Variants in JMJD1C observed in about 807,000 individuals in gnomAD.
JMJD1C encodes jumonji domain-containing protein 1C.
JMJD1C carries 31 observed loss-of-function variants against 245.3 expected under a neutral mutation model. That is an observed-to-expected ratio of 0.13 (90% CI 0.09 to 0.17). JMJD1C has a LOEUF of 0.17. Ranked by LOEUF, JMJD1C falls within the 10% of genes least tolerant of loss-of-function variation. The pLI is 1.00. For missense variants in JMJD1C, 2,691 were observed against 3,000.2 expected, an observed-to-expected ratio of 0.90 and a Z score of 2.41; for synonymous variants, 1,057 against 1,017.4, an observed-to-expected ratio of 1.04 and a Z score of -0.74.
At chr10:63,475,126 T>C (rs1198353244) in intron 1 of JMJD1C, among the ~76,000 whole-genome samples, 1 of 152,188 alleles carries the variant, frequency 6.6e-6, no homozygotes, top group Admixed American at 6.5e-5. Context: ...TCCTTTCCTT[T>C]ACAGTTATAA....
chr10:63,388,921 G>A (rs898537004), intron 1 of JMJD1C, among the ~76,000 whole-genome samples: 2 of 152,026 alleles, frequency 1.3e-5, no homozygotes. Flanking sequence ...AAGGAGACAA[G>A]GTAATTATAT....
chr10:63,207,144 T>C lies in JMJD1C; in HGVS notation c.4525A>G (p.Asn1509Asp). 1 of 1,614,186 alleles carries C rather than the reference T, an allele frequency of 6.2e-7. No individual in the cohort carries two copies. The highest frequency in any genetic ancestry group is 8.5e-7 in the Non-Finnish European group (1 of 1,180,028). Residue 1509 changes from asparagine to aspartate, a missense_variant, in exon 10 of 26, where the codon AAT becomes GAT. By Grantham distance (23) the Asn-to-Asp change is conservative. This residue lies in a region of JMJD1C where 1,562 missense variants were observed against 1,490.7 expected (regional missense o/e 1.05). Transcript: ENST00000399262. ...ASETEPNAIK[N>D]QTLSASLPLD... ...GGAAGGGAGGCTGAAAGTGTCTGAT[T>C]TTTTATAGCATTAGGTTCAGTCTCA...
intron 24 of JMJD1C, among the ~76,000 whole-genome samples, chr10:63,175,976 C>T (rs999949999): frequency 6.6e-6 from 1 of 152,106 alleles, no homozygotes; most frequent in African/African-American, 2.4e-5. Flanking sequence ...AGTCTGTATA[C>T]TGTGTCCCCC....
At chr10:63,305,685 G>GTGTTT (rs1449361495) in intron 2 of JMJD1C, among the ~76,000 whole-genome samples, 1 of 78,226 alleles carries the variant, frequency 1.3e-5, no homozygotes, top group Admixed American at 1.4e-4. Context: ...TGTGTGTGTT[G>GTGTTT]AAAGATCTTT....
chr10:63,456,178 T>C (rs554908417), intron 1 of JMJD1C, among the ~76,000 whole-genome samples: 54 of 152,212 alleles, frequency 3.5e-4, no homozygotes, highest in African/African-American at 1.3e-3. Context: ...ACTTTGGTAT[T>C]AAAATATGAT....
intron 3 of JMJD1C, among the ~76,000 whole-genome samples, chr10:63,261,066 TA>T (rs1854669992): frequency 6.6e-6 from 1 of 151,964 alleles, no homozygotes; most frequent in Non-Finnish European, 1.5e-5. Flanking sequence ...TCAGGAAACC[TA>T]AAAGGAGGAA....
intron 2 of JMJD1C, among the ~76,000 whole-genome samples, chr10:63,344,634 C>T (rs1173172312): frequency 6.6e-6 from 1 of 151,944 alleles, no homozygotes; most frequent in East Asian, 1.9e-4. Flanking sequence ...TGGTAGAAGG[C>T]CATGTATCTG....
chr10:63,513,633 C>A (rs1954933717), intron 1 of JMJD1C, among the ~76,000 whole-genome samples: 2 of 152,284 alleles, frequency 1.3e-5, no homozygotes, highest in Admixed American at 6.5e-5. Flanking sequence ...CCCATTTAGG[C>A]CGGGCACGGT....
chr10:63,239,013 G>A (rs1270118282), intron 3 of JMJD1C, among the ~76,000 whole-genome samples: 5 of 152,100 alleles, frequency 3.3e-5, no homozygotes, highest in African/African-American at 7.2e-5. Context: ...ATGGGTTGGC[G>A]GGTGACCTAG....
chr10:63,205,769 TA>T (rs1353274071), intron 10 of JMJD1C, among the ~76,000 whole-genome samples: 1 of 152,190 alleles, frequency 6.6e-6, no homozygotes, highest in Non-Finnish European at 1.5e-5. Context: ...AGAGGTATAG[TA>T]AAAACACAGT....
chr10:63,176,673 C>A lies in JMJD1C; in HGVS notation c.7225-200G>T, dbSNP rs1214161711. The A allele has an allele frequency of 1.1e-5, 6 of 538,188 alleles. No homozygotes were observed. In the East Asian group the frequency reaches 1.8e-4, roughly 16 times the overall value. 33.3% of individuals were successfully genotyped at this position (538,188 alleles called of 1,614,324 possible). On this transcript the variant is annotated intron_variant, in intron 23 of 25. Transcript: ENST00000399262. ...AGAATATTAAAACAATACAGCAATG[C>A]TGAAATGCTCTTAACAGTTTACTAC...
intron 2 of JMJD1C, among the ~76,000 whole-genome samples, chr10:63,305,629 C>CGTGTGTGTGTGTGTGTGGTGTGT: frequency 8.2e-6 from 1 of 121,682 alleles, no homozygotes; most frequent in South Asian, 3.1e-4. Flanking sequence ...ACCATGCTGG[C>CGTGTGTGTGTGTGTGTGGTGTGT]GTGTGTGTGT....
chr10:63,208,996 T>C, intron 9 of JMJD1C, 67 bp downstream of exon 9: 1 of 1,366,758 alleles, frequency 7.3e-7, no homozygotes, highest in South Asian at 1.4e-5. Flanking sequence ...AAATTAACTA[T>C]TTAAAAGGCA....
At chr10:63,424,603 C>G (rs564428980) in intron 1 of JMJD1C, among the ~76,000 whole-genome samples, 2 of 136,458 alleles carry the variant, frequency 1.5e-5, no homozygotes, top group South Asian at 2.6e-4. Context: ...ACCTCCTGGG[C>G]TCAAGCAATC....
At chr10:63,497,706 A>G (rs549457990) in intron 1 of JMJD1C, among the ~76,000 whole-genome samples, 10 of 152,320 alleles carry the variant, frequency 6.6e-5, no homozygotes, top group African/African-American at 2.4e-4. Context: ...AAAGTTAAGA[A>G]AACTGTAAAG....
chr10:63,446,365 A>G (rs938785451), intron 1 of JMJD1C, among the ~76,000 whole-genome samples: 1 of 152,160 alleles, frequency 6.6e-6, no homozygotes, highest in African/African-American at 2.4e-5. Flanking sequence ...CGGACATATT[A>G]AGTCTGAGAT....
intron 1 of JMJD1C, among the ~76,000 whole-genome samples, chr10:63,422,446 T>C (rs973729866): frequency 7.9e-5 from 12 of 152,178 alleles, no homozygotes; most frequent in African/African-American, 2.9e-4. Flanking sequence ...CATTTGCTCA[T>C]GTTAATATGG....
chr10:63,416,265 A>G (rs1038098610), intron 1 of JMJD1C, among the ~76,000 whole-genome samples: 1 of 152,126 alleles, frequency 6.6e-6, no homozygotes, highest in African/African-American at 2.4e-5. Context: ...TCAAACCCTA[A>G]TAACAATTAA....
In JMJD1C at chr10:63,344,133, A is replaced by G. The variant is rs190864867; in HGVS notation, c.333+36185T>C. Among the ~76,000 whole-genome samples the G allele has an allele frequency of 2.0e-4, 30 of 152,306 alleles. No individual in the cohort carries two copies. In the East Asian group the frequency reaches 4.2e-3, roughly 22 times the overall value. ...GTACAGTAACATTCTAGGCCTTCAC[A>G]TTCTCTTCCCACTCATTCACTGACA... On this transcript the variant is annotated intron_variant, in intron 2 of 25. Transcript: ENST00000399262.
Sources: allele counts gnomAD v4.1 joint callset (sites outside exome capture counted in the v4.1 genomes callset), GRCh38; gene constraint gnomAD v4.1.1; regional missense constraint gnomAD v4.1.1; transcripts MANE v1.5; gene names NCBI Gene and HGNC (gene_info 2026-07-23, HGNC 2026-07-21).